Variants in DIP2C observed in about 807,000 individuals in gnomAD.
DIP2C encodes DIP2 acetate--CoA ligase C (putative), also known as disco-interacting protein 2 homolog C.
Under a neutral mutation model 192.4 loss-of-function variants are expected in DIP2C, and 33 were observed. The ratio of observed to expected loss-of-function variants is 0.17; its 90% CI spans 0.13 to 0.23. DIP2C has a LOEUF of 0.23. Ranked by LOEUF, DIP2C falls within the 10% of genes least tolerant of loss-of-function variation. The pLI is 1.00. For synonymous variants in DIP2C, 979 were observed against 864.1 expected (o/e 1.13, Z -2.33); for missense variants, 1,537 against 2,110.1 (o/e 0.73, Z 5.32).
At chr10:385,319 T>C (rs973751668) in intron 14 of DIP2C, among the ~76,000 whole-genome samples, 1 of 152,208 alleles carries the variant, frequency 6.6e-6, no homozygotes, top group Admixed American at 6.5e-5. Context: ...CTTTAAAACA[T>C]GTCCATGAAA....
chr10:349,208 A>G, intron 25 of DIP2C, 123 bp downstream of exon 25: 7 of 1,354,164 alleles, frequency 5.2e-6, no homozygotes, highest in Non-Finnish European at 6.9e-6. Context: ...CCAGCTGGAT[A>G]CAGTGCAGAC....
chr10:434,059 A>T (rs562406741), intron 4 of DIP2C, among the ~76,000 whole-genome samples: 2 of 152,268 alleles, frequency 1.3e-5, no homozygotes, highest in South Asian at 4.1e-4. Flanking sequence ...TGCTTTCTGG[A>T]TAATGCAAGC....
At chr10:281,475 C>T (rs1262155124) in intron 35 of DIP2C, 152 bp from the exon 36 acceptor site, 2 of 1,205,692 alleles carry the variant, frequency 1.7e-6, no homozygotes, top group South Asian at 1.8e-5. Context: ...TTTCCTTCTG[C>T]CACGGAGCTC....
At chr10:486,084 T>C (rs1843993239) in intron 2 of DIP2C, among the ~76,000 whole-genome samples, 1 of 152,268 alleles carries the variant, frequency 6.6e-6, no homozygotes, top group African/African-American at 2.4e-5. Context: ...TGTCTAGATT[T>C]GGCCTGTGCC....
intron 1 of DIP2C, among the ~76,000 whole-genome samples, chr10:606,301 A>G (rs147625210): frequency 5.3e-5 from 8 of 152,290 alleles, no homozygotes; most frequent in Non-Finnish European, 1.2e-4. Context: ...CACCAGTCAC[A>G]GCCACACAGC....
intron 1 of DIP2C, among the ~76,000 whole-genome samples, chr10:544,982 A>C (rs1848201228): frequency 1.3e-5 from 2 of 152,050 alleles, no homozygotes; most frequent in Admixed American, 1.3e-4. Context: ...TGCTTAATTC[A>C]ACGTAACAGT....
chr10:556,649 C>T (rs527795131), intron 1 of DIP2C, among the ~76,000 whole-genome samples: 1 of 152,118 alleles, frequency 6.6e-6, no homozygotes, highest in South Asian at 2.1e-4. Flanking sequence ...CCACCCTGCC[C>T]ACTGGGGCCT....
chr10:528,375 G>A (rs80068619), intron 1 of DIP2C, among the ~76,000 whole-genome samples: 1,570 of 89,972 alleles, frequency 0.017, 9 homozygotes, highest in Non-Finnish European at 0.023. Flanking sequence ...AACGCAGACC[G>A]CCCGCAGCTC....
chr10:333,659 C>G (rs1250822546), intron 29 of DIP2C, among the ~76,000 whole-genome samples: 1 of 152,226 alleles, frequency 6.6e-6, no homozygotes, highest in Admixed American at 6.5e-5. Context: ...GCTGCTGAGT[C>G]AATGCAGCAA....
At chr10:419,700 G>T (rs535625186) in intron 5 of DIP2C, among the ~76,000 whole-genome samples, 2 of 152,104 alleles carry the variant, frequency 1.3e-5, no homozygotes, top group Non-Finnish European at 2.9e-5. Context: ...TGGATTATGT[G>T]AGTTAACACG....
chr10:616,485 G>A (rs1189229443), intron 1 of DIP2C, among the ~76,000 whole-genome samples: 9 of 152,110 alleles, frequency 5.9e-5, no homozygotes, highest in African/African-American at 9.7e-5. Context: ...TCTGCACAGC[G>A]GGACTTCCCA....
rs1030178580 is a variant in DIP2C, at chr10:363,932, C to T, written c.2477+442G>A. ...CAGGAACCGTGGCAACTTATTTCAT[C>T]ACGGAGCCTCCACTGTGCACCAGGC... On this transcript the variant is annotated intron_variant, in intron 20 of 36. Coordinates refer to ENST00000280886, the MANE Select transcript of DIP2C (RefSeq NM_014974.3). This position sits in a 1 kb window ranked among gnomAD's most constrained non-coding sequence, Gnocchi z 5.4. Among the ~76,000 whole-genome samples, 1 of 152,166 alleles carries T rather than the reference C, an allele frequency of 6.6e-6. No homozygotes were observed. Among genetic ancestry groups the T allele is most frequent in the African/African-American group, 2.4e-5 (1 of 41,422 alleles).
At chr10:478,983 G>GCTCCACAGAGGC (rs1279065975) in intron 2 of DIP2C, among the ~76,000 whole-genome samples, 3 of 152,128 alleles carry the variant, frequency 2.0e-5, no homozygotes, top group Admixed American at 6.5e-5. Flanking sequence ...AGCGCTCTGG[G>GCTCCACAGAGGC]CTCCACAGAG....
chr10:544,345 A>G (rs1848167920), intron 1 of DIP2C, among the ~76,000 whole-genome samples: 1 of 152,154 alleles, frequency 6.6e-6, no homozygotes, highest in South Asian at 2.1e-4. Flanking sequence ...ATCTGTTGAC[A>G]GACATCTGGG....
Position 371,508 on chromosome 10 carries a change from A to G in DIP2C, c.1992-1875T>C, listed in dbSNP as rs80161069. ...CAATTACTCTGTCCTTGTAAGAGAA[A>G]AGAGAGGTCCTGACACAGGGAGAAG... On this transcript the variant is annotated intron_variant, in intron 17 of 36. Coordinates refer to ENST00000280886, the MANE Select transcript of DIP2C (RefSeq NM_014974.3). Among the ~76,000 whole-genome samples the G allele has an allele frequency of 5.2e-3, 787 of 152,352 alleles. 3 individuals are homozygous for G. The highest frequency in any genetic ancestry group is 0.014 in the Middle Eastern group (4 of 294).
intron 1 of DIP2C, among the ~76,000 whole-genome samples, chr10:590,918 C>T (rs986576775): frequency 2.0e-5 from 3 of 150,608 alleles, no homozygotes; most frequent in Non-Finnish European, 4.4e-5. Flanking sequence ...TGAGAATTCC[C>T]CCCTCGGTCT....
chr10:355,127 G>T (rs570456941), intron 24 of DIP2C, among the ~76,000 whole-genome samples: 16 of 152,272 alleles, frequency 1.1e-4, no homozygotes, highest in African/African-American at 3.8e-4. Context: ...TCTCAGCGTG[G>T]GGCAGGGGCT....
At chr10:668,752 A>G (rs1224645697) in intron 1 of DIP2C, 1 of 152,224 alleles carries the variant, frequency 6.6e-6, no homozygotes, top group Non-Finnish European at 1.5e-5. Context: ...AGCTTTTTTC[A>G]AGAAGGTCAT....
intron 10 of DIP2C, among the ~76,000 whole-genome samples, chr10:392,421 C>T (rs1398232933): frequency 6.6e-6 from 1 of 152,192 alleles, no homozygotes; most frequent in Non-Finnish European, 1.5e-5. Context: ...TTTAATCCCC[C>T]AAATGATAAA....
Sources: allele counts gnomAD v4.1 joint callset (sites outside exome capture counted in the v4.1 genomes callset), GRCh38; gene constraint gnomAD v4.1.1; non-coding constraint Gnocchi (gnomAD v3.1); transcripts MANE v1.5; gene names NCBI Gene and HGNC (gene_info 2026-07-23, HGNC 2026-07-21).